RTN2: variants seen among roughly 807,000 people sequenced by gnomAD.
RTN2 encodes the protein reticulon-2.
A neutral mutation model predicts 63.7 loss-of-function variants in RTN2; 36 were observed. That is an observed-to-expected ratio of 0.56 (90% CI 0.43 to 0.75). RTN2 has a LOEUF of 0.75. Among genes scored for constraint, RTN2 ranks in the 30% least tolerant of loss-of-function variants. The probability of loss-of-function intolerance (pLI) is 0.00; values close to 1 mark genes in which losing one functional copy is unlikely to be tolerated. For missense variants in RTN2, 673 were observed against 705.1 expected, an observed-to-expected ratio of 0.95 and a Z score of 0.52; for synonymous variants, 312 against 313.0, an observed-to-expected ratio of 1.00 and a Z score of 0.03.
intron 9 of RTN2, among the ~76,000 whole-genome samples, 154 bp from the exon 10 acceptor site, chr19:45,486,267 G>C (rs1195537960): frequency 6.6e-6 from 1 of 152,186 alleles, no homozygotes; most frequent in Admixed American, 6.5e-5. Context: ...GAATACATTA[G>C]ATGCCAGAGA....
chr19:45,490,956 G>A (rs1024920515), intron 5 of RTN2, among the ~76,000 whole-genome samples: 5 of 149,822 alleles, frequency 3.3e-5, no homozygotes, highest in African/African-American at 7.4e-5. Flanking sequence ...GTGCAATCTC[G>A]GCTCACTGCA....
intron 5 of RTN2, among the ~76,000 whole-genome samples, chr19:45,490,466 C>T (rs1968130822): frequency 6.6e-6 from 1 of 151,942 alleles, no homozygotes; most frequent in South Asian, 2.1e-4. Context: ...CAGATATTCT[C>T]ACCTCCTGGA....
Position 45,489,578 on chromosome 19 carries a change from G to A in RTN2, c.1034-25C>T, listed in dbSNP as rs1189078398. On this transcript the variant is annotated intron_variant, in intron 5 of 10. Coordinates refer to ENST00000245923, the MANE Select transcript of RTN2 (RefSeq NM_005619.5). ...ACTGTGGAGGGGTGGGGGGCATCAG[G>A]GCTTGTACCTGACCTGGCTGGTCTC... 6.4e-6 allele frequency: 10 copies of A among 1,552,082 alleles called. No individual in the cohort carries two copies. The African/African-American group carries it at 9.6e-5, about 15-fold the overall frequency.
In RTN2 at chr19:45,494,287, G is replaced by C. The variant is rs923110801; in HGVS notation, c.693C>G (p.Pro231=). Residue 231 remains proline, a synonymous_variant, in exon 4 of 11, where the codon CCC becomes CCG. Coordinates refer to ENST00000245923, the MANE Select transcript of RTN2 (RefSeq NM_005619.5). The surrounding 1 kb of genome is among the most constrained non-coding windows in gnomAD (Gnocchi z 5.3). ...PSRSRDSNSG[P]EEPLLEEEEK... ...CTTCCTCTTCCAGCAATGGCTCTTC[G>C]GGCCCAGAGTTCGAATCTCGCGATC... 6 of 1,613,830 alleles carry C rather than the reference G, an allele frequency of 3.7e-6. No individual in the cohort carries two copies. The highest frequency in any genetic ancestry group is 1.7e-5 in the Admixed American group (1 of 59,976).
intron 1 of RTN2, among the ~76,000 whole-genome samples, chr19:45,496,086 G>GATCAGT (rs71173172): frequency 6.6e-6 from 1 of 152,018 alleles, no homozygotes; most frequent in African/African-American, 2.4e-5. Flanking sequence ...AGATTGTGAG[G>GATCAGT]CTAGGCGTTT....
Position 45,494,438 on chromosome 19 carries a change from G to C in RTN2, c.560-18C>G. ...GTCCAGTTCTGATACGGTAGAGAGA[G>C]GAGGCCGTGAGCTTTCTTCTTGGAG... On this transcript the variant is annotated intron_variant, in intron 3 of 10. Transcript: ENST00000245923. The surrounding 1 kb of genome is among the most constrained non-coding windows in gnomAD (Gnocchi z 5.3). The C allele has an allele frequency of 1.1e-5, 17 of 1,606,412 alleles. No homozygotes were observed. The highest frequency in any genetic ancestry group is 1.4e-5 in the Non-Finnish European group (17 of 1,174,502).
chr19:45,485,786 G>A lies in RTN2; in HGVS notation c.1560C>T (p.Ile520=). ...CTCCGGTCCCTGGGATTTTAGCTCGGATCCTGAAGGAGAAACAGGTGGGAT... is the reference window on the plus strand; with the variant it reads ...CTCCGGTCCCTGGGATTTTAGCTCGAATCCTGAAGGAGAAACAGGTGGGAT... ...TNQLSHIKAK[I]RAKIPGTGAL... The change falls in exon 11 of 11, where the codon ATC becomes ATT. Residue 520 remains isoleucine (I), a synonymous_variant. Coordinates refer to ENST00000245923, the MANE Select transcript of RTN2 (RefSeq NM_005619.5). 1 of 1,613,552 alleles carries A rather than the reference G, an allele frequency of 6.2e-7. No individual in the cohort carries two copies. Among genetic ancestry groups the A allele is most frequent in the Non-Finnish European group, 8.5e-7 (1 of 1,179,532 alleles).
chr19:45,485,697 A>G lies in RTN2; in HGVS notation c.*11T>C. 6.2e-7 allele frequency: 1 copy of G among 1,612,054 alleles called. No individual in the cohort carries two copies. Among genetic ancestry groups the G allele is most frequent in the Non-Finnish European group, 8.5e-7 (1 of 1,178,528 alleles). On this transcript the variant is annotated 3_prime_UTR_variant, in exon 11 of 11. Coordinates refer to ENST00000245923, the MANE Select transcript of RTN2 (RefSeq NM_005619.5). ...CTGGGGGCAGGCGTCCTGCGGGCAG[A>G]GACACCGTTCTCATTCGGCTTTGGC...
chr19:45,488,984 G>A lies in RTN2; in HGVS notation c.1244C>T (p.Ala415Val), dbSNP rs1208891116. The stretch of plus-strand genomic sequence containing the variant: ...CAGGGTGAGGTCCACATCCAGGTAG[G>A]CCCTGCGGGGACAAAGGAGTGTGGG... ...HRGDGANPFQ[A>V]YLDVDLTLTR... The change falls in exon 7 of 11, where the codon GCC (alanine) becomes GTC (valine). Residue 415 changes from alanine to valine, a missense_variant and splice_region_variant. Ala to Val is a moderately conservative substitution (Grantham distance 64). Transcript: ENST00000245923. The A allele has an allele frequency of 6.2e-7, 1 of 1,610,870 alleles. No homozygotes were observed. The highest frequency in any genetic ancestry group is 1.1e-5 in the South Asian group (1 of 90,346).
intron 4 of RTN2, 132 bp from the exon 5 acceptor site, chr19:45,493,510 T>C: frequency 1.4e-6 from 1 of 696,728 alleles, no homozygotes. Flanking sequence ...CCCAGGCTGG[T>C]CTTGCACTCT....
chr19:45,492,931 G>A (rs1192232677), intron 5 of RTN2, among the ~76,000 whole-genome samples: 1 of 152,194 alleles, frequency 6.6e-6, no homozygotes, highest in Non-Finnish European at 1.5e-5. Flanking sequence ...CGAGGCTGGG[G>A]GAGGGGGTCC....
At position 45,489,573 on chromosome 19, in the gene RTN2, A is replaced by G; in HGVS notation, c.1034-20T>C. 2 of 1,566,938 alleles carry G rather than the reference A, an allele frequency of 1.3e-6. No individual in the cohort carries two copies. Among genetic ancestry groups the G allele is most frequent in the African/African-American group, 1.4e-5 (1 of 73,534 alleles). ...CCGCCACTGTGGAGGGGTGGGGGGC[A>G]TCAGGGCTTGTACCTGACCTGGCTG... is the stretch of plus-strand genomic sequence containing the variant. On this transcript the variant is annotated intron_variant, in intron 5 of 10. Coordinates refer to ENST00000245923, the MANE Select transcript of RTN2 (RefSeq NM_005619.5).
At chr19:45,495,375 A>T (rs185582307) in intron 1 of RTN2, among the ~76,000 whole-genome samples, 1 of 152,322 alleles carries the variant, frequency 6.6e-6, no homozygotes, top group Admixed American at 6.5e-5. Context: ...CAATTCATTC[A>T]TTCGTTCAAC....
rs772555222 is a variant in RTN2 at position 45,488,515 on chromosome 19, C to T, written c.1453G>A (p.Val485Met). ...AGGGGGATGGTGAATAGACCAATCA[C>T]TCCTGTGGGTACAGAGATGGGGGCG... ...FNGLTLLILG[V>M]IGLFTIPLLY... is the part of the protein sequence containing the mutation. The change falls in exon 9 of 11, where the codon GTG (valine) becomes ATG (methionine). Residue 485 changes from valine (V) to methionine (M), a missense_variant and splice_region_variant. Transcript: ENST00000245923. 1.9e-6 allele frequency: 3 copies of T among 1,614,044 alleles called. No individual in the cohort carries two copies. Among genetic ancestry groups the T allele is most frequent in the Non-Finnish European group, 1.7e-6 (2 of 1,179,972 alleles).
intron 5 of RTN2, among the ~76,000 whole-genome samples, chr19:45,490,644 T>G (rs1968138284): frequency 6.6e-6 from 1 of 151,592 alleles, no homozygotes; most frequent in African/African-American, 2.4e-5. Context: ...TGGCACAATC[T>G]TGGCTCACTG....
chr19:45,493,414 C>T (rs759265521), intron 4 of RTN2, 36 bp from the exon 5 acceptor site: 3 of 1,467,428 alleles, frequency 2.0e-6, no homozygotes, highest in Admixed American at 1.8e-5. Context: ...AAGGCTGGGT[C>T]ATTTTACAAC....
At position 45,485,624 on chromosome 19, in the gene RTN2, G is replaced by A. The variant is rs1968002035; in HGVS notation, c.*84C>T. The stretch of plus-strand genomic sequence containing the variant: ...GAAAAGGCTCGGGCCGAGGAGGGGG[G>A]TGGGTGGGAACGGACAAGAGATGGA... On this transcript the variant is annotated 3_prime_UTR_variant, in exon 11 of 11. Coordinates refer to ENST00000245923, the MANE Select transcript of RTN2 (RefSeq NM_005619.5). 1.1e-5 allele frequency: 12 copies of A among 1,103,610 alleles called. No individual in the cohort carries two copies. The highest frequency in any genetic ancestry group is 1.6e-5 in the Non-Finnish European group (12 of 730,838). The allele number at this position is 1,103,610 out of a possible 1,614,324, so 68.4% of individuals were successfully genotyped here.
intron 4 of RTN2, 92 bp from the exon 5 acceptor site, chr19:45,493,470 T>C (rs1223789278): frequency 1.0e-6 from 1 of 956,128 alleles, no homozygotes; most frequent in African/African-American, 1.7e-5. Flanking sequence ...TGTTTGTTTT[T>C]TCAAATAGAG....
At chr19:45,491,077 A>G (rs1348575719) in intron 5 of RTN2, among the ~76,000 whole-genome samples, 1 of 150,638 alleles carries the variant, frequency 6.6e-6, no homozygotes, top group Non-Finnish European at 1.5e-5. Flanking sequence ...TTAGTTAGAG[A>G]TGGGGTTTCA....
Sources: allele counts gnomAD v4.1 joint callset (sites outside exome capture counted in the v4.1 genomes callset), GRCh38; gene constraint gnomAD v4.1.1; non-coding constraint Gnocchi (gnomAD v3.1); transcripts MANE v1.5; gene names NCBI Gene and HGNC (gene_info 2026-07-23, HGNC 2026-07-21).